Variants in AGBL4 observed in about 807,000 individuals in gnomAD.
AGBL4 encodes the protein cytosolic carboxypeptidase 6.
AGBL4 carries 58 observed loss-of-function variants against 66.4 expected under a neutral mutation model. That is an observed-to-expected ratio of 0.87 (90% CI 0.71 to 1.09). The LOEUF (loss-of-function observed/expected upper bound fraction) is 1.09, where lower values mean the gene tolerates loss of function less well. AGBL4 is among the 50% of genes least tolerant of loss of function. The pLI is 0.00. For synonymous variants in AGBL4, 234 were observed against 222.9 expected, an observed-to-expected ratio of 1.05 and a Z score of -0.44; for missense variants, 579 against 631.0, an observed-to-expected ratio of 0.92 and a Z score of 0.88.
At chr1:49,071,619 T>C (rs1312513151) in intron 4 of AGBL4, among the ~76,000 whole-genome samples, 1 of 151,996 alleles carries the variant, frequency 6.6e-6, no homozygotes, top group Non-Finnish European at 1.5e-5. Context: ...CAGTTTGTTG[T>C]GATTTCTGTT....
chr1:48,669,285 C>T (rs1646239304), intron 6 of AGBL4, among the ~76,000 whole-genome samples: 1 of 152,224 alleles, frequency 6.6e-6, no homozygotes, highest in Non-Finnish European at 1.5e-5. Context: ...ATGGCTTCAC[C>T]TATAATAGCA....
chr1:49,251,316 A>C (rs1221119073), intron 3 of AGBL4, among the ~76,000 whole-genome samples: 1 of 152,046 alleles, frequency 6.6e-6, no homozygotes. Context: ...GCATGGGTGG[A>C]TTTTGTTTTA....
intron 3 of AGBL4, among the ~76,000 whole-genome samples, chr1:49,677,000 G>T (rs539628814): frequency 7.7e-4 from 117 of 152,032 alleles, no homozygotes; most frequent in African/African-American, 2.7e-3. Flanking sequence ...TATTCCATCT[G>T]CCAGGAATAT....
chr1:49,978,823 T>C (rs1231386548), intron 1 of AGBL4, among the ~76,000 whole-genome samples: 1 of 152,250 alleles, frequency 6.6e-6, no homozygotes, highest in African/African-American at 2.4e-5. Flanking sequence ...TGGGTGATTT[T>C]ATTTTATTCA....
intron 3 of AGBL4, among the ~76,000 whole-genome samples, chr1:49,256,068 T>C (rs1010326108): frequency 1.1e-4 from 16 of 152,088 alleles, no homozygotes; most frequent in Admixed American, 6.6e-4. Context: ...AGGCTTCATA[T>C]CTGAGTGACA....
intron 3 of AGBL4, among the ~76,000 whole-genome samples, chr1:49,376,793 T>G (rs1489654541): frequency 2.6e-5 from 4 of 152,096 alleles, no homozygotes; most frequent in Non-Finnish European, 4.4e-5. Flanking sequence ...AGATCCCTAC[T>G]TGTATTGTTA....
At chr1:49,720,101 G>A (rs575728869) in intron 2 of AGBL4, among the ~76,000 whole-genome samples, 100 of 152,132 alleles carry the variant, frequency 6.6e-4, no homozygotes, top group Non-Finnish European at 1.2e-3. Flanking sequence ...GACTAAAACT[G>A]AAAGGAAAAC....
At chr1:48,759,349 A>G (rs912503662) in intron 6 of AGBL4, 10 of 1,509,874 alleles carry the variant, frequency 6.6e-6, no homozygotes, top group South Asian at 6.4e-5. Context: ...CTGCAGATCA[A>G]TATTTCCCCA....
intron 3 of AGBL4, among the ~76,000 whole-genome samples, chr1:49,406,279 G>GA (rs148050710): frequency 0.024 from 3,633 of 152,174 alleles, 120 homozygotes; most frequent in African/African-American, 0.083. Flanking sequence ...ACTGGTAATA[G>GA]AAAAAGAGCC....
At chr1:48,787,820 G>C (rs1445031950) in intron 6 of AGBL4, among the ~76,000 whole-genome samples, 2 of 152,214 alleles carry the variant, frequency 1.3e-5, no homozygotes, top group East Asian at 3.9e-4. Context: ...AGGTGCATGG[G>C]ACTCTGGATA....
In AGBL4 at chr1:48,534,294, C is replaced by T; in HGVS notation, c.1392-1G>A. 1 of 1,549,694 alleles carries T rather than the reference C, an allele frequency of 6.5e-7. No individual in the cohort carries two copies. The highest frequency in any genetic ancestry group is 8.7e-7 in the Non-Finnish European group (1 of 1,146,236). ...CTTGTAAGGAGGGGATTTTTCTTTC[C>T]TGCAAAGGGGGAGATAACAGAAAGA... On this transcript the variant is annotated splice_acceptor_variant, in intron 13 of 13. Coordinates refer to ENST00000371839, the MANE Select transcript of AGBL4 (RefSeq NM_032785.4). LOFTEE classifies it high-confidence loss of function.
intron 3 of AGBL4, among the ~76,000 whole-genome samples, chr1:49,385,055 C>T (rs1644708235): frequency 6.6e-6 from 1 of 152,056 alleles, no homozygotes; most frequent in Non-Finnish European, 1.5e-5. Context: ...AAGCCAGTCA[C>T]AAAAAGACAA....
chr1:48,983,308 G>C (rs1046778004), intron 5 of AGBL4, among the ~76,000 whole-genome samples: 1 of 152,134 alleles, frequency 6.6e-6, no homozygotes, highest in African/African-American at 2.4e-5. Context: ...GAAAAAAAGA[G>C]GTTGAGAATA....
chr1:49,127,876 C>G (rs79065493), intron 4 of AGBL4, among the ~76,000 whole-genome samples: 1,819 of 152,080 alleles, frequency 0.012, 31 homozygotes, highest in African/African-American at 0.042. Flanking sequence ...CAAAGAAAAA[C>G]CAAAGACGAC....
chr1:49,861,658 C>T (rs1344684792), intron 1 of AGBL4, among the ~76,000 whole-genome samples: 1 of 152,166 alleles, frequency 6.6e-6, no homozygotes, highest in Non-Finnish European at 1.5e-5. Context: ...GCTACCTCAA[C>T]ACAGCTATTT....
At chr1:49,448,925 T>G (rs909217900) in intron 3 of AGBL4, among the ~76,000 whole-genome samples, 24 of 152,090 alleles carry the variant, frequency 1.6e-4, no homozygotes, top group African/African-American at 5.8e-4. Flanking sequence ...GAATACTATT[T>G]AAGACTGAAG....
chr1:49,195,313 A>C (rs1647208207), intron 4 of AGBL4, among the ~76,000 whole-genome samples: 1 of 152,128 alleles, frequency 6.6e-6, no homozygotes, highest in African/African-American at 2.4e-5. Context: ...CCATGTTTAG[A>C]ACTCCTTTGA....
chr1:48,847,068 AG>A (rs553328525), intron 6 of AGBL4, among the ~76,000 whole-genome samples: 1 of 152,182 alleles, frequency 6.6e-6, no homozygotes, highest in Non-Finnish European at 1.5e-5. Flanking sequence ...CGGGAGGCCG[AG>A]GGGGGTGGAT....
At chr1:49,171,857 A>G (rs1265565819) in intron 4 of AGBL4, among the ~76,000 whole-genome samples, 1 of 152,214 alleles carries the variant, frequency 6.6e-6, no homozygotes, top group Non-Finnish European at 1.5e-5. Flanking sequence ...TTGTTGATAT[A>G]CCATGGGCAG....
Sources: allele counts gnomAD v4.1 joint callset (sites outside exome capture counted in the v4.1 genomes callset), GRCh38; gene constraint gnomAD v4.1.1; transcripts MANE v1.5; gene names NCBI Gene and HGNC (gene_info 2026-07-23, HGNC 2026-07-21).